Variants in DNTTIP1 observed in about 807,000 individuals in gnomAD.
DNTTIP1 encodes the protein deoxynucleotidyltransferase terminal interacting protein 1, also known as deoxynucleotidyltransferase terminal-interacting protein 1.
DNTTIP1 carries 22 observed loss-of-function variants against 52.9 expected under a neutral mutation model. The observed-to-expected ratio is 0.42, with a 90% CI of 0.30 to 0.59. The LOEUF (loss-of-function observed/expected upper bound fraction) is 0.59. Among genes scored for constraint, DNTTIP1 ranks in the 20% least tolerant of loss-of-function variants. The pLI, the probability that DNTTIP1 is intolerant of heterozygous loss-of-function variation, is 0.22. For synonymous variants in DNTTIP1, 136 were observed against 155.1 expected (o/e 0.88, Z 0.92); for missense variants, 286 against 435.5 (o/e 0.66, Z 3.06).
At chr20:45,793,279 TG>T (rs1268110379) in intron 2 of DNTTIP1, among the ~76,000 whole-genome samples, 2 of 152,262 alleles carry the variant, frequency 1.3e-5, no homozygotes, top group African/African-American at 4.8e-5. Context: ...AAAAACACTT[TG>T]GGCCGGGCGC....
intron 8 of DNTTIP1, 68 bp from the exon 9 acceptor site, chr20:45,805,078 G>A (rs1981588967): frequency 1.9e-5 from 25 of 1,321,518 alleles, no homozygotes; most frequent in Non-Finnish European, 2.7e-5. Context: ...AGGGTAGGGG[G>A]AGGAGTGTTT....
Position 45,809,312 on chromosome 20 carries a change from C to T in DNTTIP1, c.795+127C>T. 1.3e-6 allele frequency: 1 copy of T among 758,408 alleles called. No homozygotes were observed. Among genetic ancestry groups the T allele is most frequent in the Non-Finnish European group, 2.2e-6 (1 of 445,010 alleles). The allele number at this position is 758,408 out of a possible 1,614,324, so 47.0% of individuals were successfully genotyped here. A position where few individuals can be genotyped will look rare whatever the true frequency, so the allele number is the denominator to read the frequency against. ...CCTCACCAATGTGTGAGAAGAGAGA[C>T]TTATAAGGCCTATTTCTTCATGCTG... On this transcript the variant is annotated intron_variant, in intron 11 of 12. Coordinates refer to ENST00000372622, the MANE Select transcript of DNTTIP1 (RefSeq NM_052951.3). This position sits in a 1 kb window ranked among gnomAD's most constrained non-coding sequence, Gnocchi z 4.2.
rs1287492948 is a variant in DNTTIP1, at chr20:45,800,695, ATATATATATATATATATAT to A, written c.373-378_373-360del. On this transcript the variant is annotated intron_variant, in intron 4 of 12. Coordinates refer to ENST00000372622, the MANE Select transcript of DNTTIP1 (RefSeq NM_052951.3). ...ATCTCAATTTAAAAAAAAAAAAAAA[ATATATATATATATATATAT>A]ATATATATATATATATATATATATA... Among the ~76,000 whole-genome samples, 18 of 9,100 alleles carry A rather than the reference ATATATATATATATATATAT, an allele frequency of 2.0e-3. 1 individual carries two copies. The highest frequency in any genetic ancestry group is 3.8e-3 in the South Asian group (1 of 266). 6.0% of individuals were successfully genotyped at this position (9,100 alleles called of 152,430 possible). A position where few individuals can be genotyped will look rare whatever the true frequency, so the allele number is the denominator to read the frequency against.
intron 4 of DNTTIP1, among the ~76,000 whole-genome samples, chr20:45,797,353 T>C (rs901329704): frequency 6.6e-6 from 1 of 152,144 alleles, no homozygotes; most frequent in African/African-American, 2.4e-5. Flanking sequence ...AAGACTTAAA[T>C]GTTAGACCTA....
chr20:45,808,687 G>A (rs916440934), intron 10 of DNTTIP1, among the ~76,000 whole-genome samples: 5 of 152,150 alleles, frequency 3.3e-5, no homozygotes, highest in African/African-American at 1.2e-4. Context: ...AACCTTATTT[G>A]TAACTCCAAA....
chr20:45,797,647 C>T (rs565897621), intron 4 of DNTTIP1, among the ~76,000 whole-genome samples: 37 of 152,292 alleles, frequency 2.4e-4, no homozygotes, highest in African/African-American at 8.7e-4. Context: ...AAAAAACAAG[C>T]AACCCCATCA....
intron 8 of DNTTIP1, among the ~76,000 whole-genome samples, chr20:45,804,586 C>G (rs1981574849): frequency 2.0e-5 from 3 of 152,214 alleles, no homozygotes; most frequent in African/African-American, 7.2e-5. Context: ...AACATAACCT[C>G]CTAAGACCTC....
chr20:45,801,423 G>C lies in DNTTIP1; in HGVS notation c.463G>C (p.Glu155Gln), dbSNP rs762065719. ...TTAGCGTGGCCGTCAGGCAGAAGAA[G>C]AATGTGCCCATCGAGGAAGCCCCCT... ...GIKRGRQAEE[E>Q]CAHRGSPLPK... Residue 155 changes from glutamate to glutamine, a missense_variant, in exon 6 of 13, where the codon GAA becomes CAA. Coordinates refer to ENST00000372622, the MANE Select transcript of DNTTIP1 (RefSeq NM_052951.3). 1.2e-6 allele frequency: 2 copies of C among 1,614,208 alleles called. No individual in the cohort carries two copies. Among genetic ancestry groups the C allele is most frequent in the Non-Finnish European group, 1.7e-6 (2 of 1,180,038 alleles).
At position 45,792,018 on chromosome 20, in the gene DNTTIP1, G is replaced by A. The variant is rs764474623; in HGVS notation, c.14G>A (p.Gly5Asp). The change falls in exon 1 of 13, where the codon GGC (glycine) becomes GAC (aspartate). Residue 5 changes from glycine (G) to aspartate (D), a missense_variant. Transcript: ENST00000372622. MGAT[G>D]DAEQPRGPSG... Reference sequence around the variant, plus strand: ...GCCGGGGGCGCCATGGGAGCCACTGGCGACGCCGAGCAGCCGCGGGGACCT... The same window carrying A: ...GCCGGGGGCGCCATGGGAGCCACTGACGACGCCGAGCAGCCGCGGGGACCT... 18 of 1,267,144 alleles carry A rather than the reference G, an allele frequency of 1.4e-5. No homozygotes were observed. Among genetic ancestry groups the A allele is most frequent in the African/African-American group, 6.1e-5 (4 of 65,716 alleles). 78.5% of individuals were successfully genotyped at this position (1,267,144 alleles called of 1,614,324 possible). A position where few individuals can be genotyped will look rare whatever the true frequency, so the allele number is the denominator to read the frequency against.
intron 3 of DNTTIP1, 130 bp from the exon 4 acceptor site, chr20:45,795,215 C>A: frequency 1.8e-6 from 1 of 546,528 alleles, no homozygotes. Flanking sequence ...TGGCTGATCC[C>A]AAAGCCCTGC....
chr20:45,793,888 T>C (rs1301850732), intron 2 of DNTTIP1, 33 bp from the exon 3 acceptor site: 2 of 1,393,108 alleles, frequency 1.4e-6, no homozygotes, highest in Non-Finnish European at 2.0e-6. Context: ...GTTTGGGACA[T>C]GCCCCCTCAC....
chr20:45,795,976 C>T (rs1981225342), intron 4 of DNTTIP1, among the ~76,000 whole-genome samples: 1 of 151,832 alleles, frequency 6.6e-6, no homozygotes, highest in Non-Finnish European at 1.5e-5. Context: ...TCAGAAGAAA[C>T]TATGTACAGA....
Position 45,806,354 on chromosome 20 carries a change from T to G in DNTTIP1, c.723+988T>G, listed in dbSNP as rs1204538729. Among the ~76,000 whole-genome samples, 25 of 23,232 alleles carry G rather than the reference T, an allele frequency of 1.1e-3. No homozygotes were observed. In the Admixed American group the frequency reaches 0.012, roughly 11 times the overall value. 15.2% of individuals were successfully genotyped at this position (23,232 alleles called of 152,430 possible). ...CTGGGCAACAGAGCAAAACTCCATCTCAAAAAAAAAAAAATAGAGTTTGGA... is the reference window on the plus strand; with the variant it reads ...CTGGGCAACAGAGCAAAACTCCATCGCAAAAAAAAAAAAATAGAGTTTGGA... On this transcript the variant is annotated intron_variant, in intron 10 of 12. Transcript: ENST00000372622.
rs756404631 is a variant in DNTTIP1 at position 45,791,978 on chromosome 20, A to G, written c.-27A>G. On this transcript the variant is annotated 5_prime_UTR_variant, in exon 1 of 13. Transcript: ENST00000372622. Reference sequence around the variant, plus strand: ...CACTTTCCGGCCGGTGACAGAGTCCAGCGGAGTTGTGGGGGCCGGGGGCGC... The same window carrying G: ...CACTTTCCGGCCGGTGACAGAGTCCGGCGGAGTTGTGGGGGCCGGGGGCGC... 2.5e-5 allele frequency: 31 copies of G among 1,229,404 alleles called. No homozygotes were observed. The highest frequency in any genetic ancestry group is 3.0e-5 in the Non-Finnish European group (29 of 979,706). The allele number at this position is 1,229,404 out of a possible 1,614,324, so 76.2% of individuals were successfully genotyped here.
chr20:45,793,344 C>T (rs993999942), intron 2 of DNTTIP1, among the ~76,000 whole-genome samples: 2 of 152,126 alleles, frequency 1.3e-5, no homozygotes, highest in African/African-American at 4.8e-5. Flanking sequence ...GGGTGGATCA[C>T]CTGAGGTCGG....
Position 45,809,182 on chromosome 20 carries a change from G to C in DNTTIP1, c.792G>C (p.Lys264Asn). 1 of 1,614,028 alleles carries C rather than the reference G, an allele frequency of 6.2e-7. No individual in the cohort carries two copies. The highest frequency in any genetic ancestry group is 8.5e-7 in the Non-Finnish European group (1 of 1,180,002). ...ATCACATGCGGGCAACAGGGGGCAA[G>C]ATGGTAAGCATTATTCATTTGTGCC... ...EQHHMRATGG[K>N]MAYLLIEEDI... Residue 264 changes from lysine (K) to asparagine (N), a missense_variant, in exon 11 of 13, where the codon AAG (lysine) becomes AAC (asparagine). Lys to Asn is a moderately conservative substitution (Grantham distance 94). This residue lies in a region of DNTTIP1 where 78 missense variants were observed against 169.0 expected (regional missense o/e 0.46). Transcript: ENST00000372622. The surrounding 1 kb of genome is among the most constrained non-coding windows in gnomAD (Gnocchi z 4.2).
rs1288869024 is a variant in DNTTIP1 at position 45,801,063 on chromosome 20, T to C, written c.373-11T>C. The C allele has an allele frequency of 1.9e-6, 3 of 1,613,650 alleles. No individual in the cohort carries two copies. Among genetic ancestry groups the C allele is most frequent in the Non-Finnish European group, 2.5e-6 (3 of 1,179,744 alleles). On this transcript the variant is annotated splice_polypyrimidine_tract_variant and intron_variant, in intron 4 of 12. Transcript: ENST00000372622. ...ATAGTGACTGGTAACACTTGGTCTT[T>C]TTCCCTTCAGGCTAAACTGCTCTTT... is the stretch of plus-strand genomic sequence containing the variant.
intron 8 of DNTTIP1, among the ~76,000 whole-genome samples, chr20:45,804,360 C>T (rs1389907125): frequency 6.6e-6 from 1 of 152,182 alleles, no homozygotes; most frequent in Non-Finnish European, 1.5e-5. Flanking sequence ...TTCATCCTTA[C>T]TGCTGCCCTA....
chr20:45,795,298 T>A (rs1295198960), intron 3 of DNTTIP1, 47 bp from the exon 4 acceptor site: 3 of 1,123,364 alleles, frequency 2.7e-6, no homozygotes, highest in Non-Finnish European at 3.9e-6. Flanking sequence ...TTCAGGTTGA[T>A]GCACATTAAC....
Sources: gnomAD v4.1 joint callset for allele counts (sites outside exome capture counted in the v4.1 genomes callset) on GRCh38, gnomAD v4.1.1 for gene constraint, gnomAD v4.1.1 regional missense constraint, Gnocchi (gnomAD v3.1) non-coding constraint, MANE v1.5 for transcripts, NCBI Gene and HGNC (gene_info 2026-07-23, HGNC 2026-07-21) for gene names.